Variants in RAD54B observed in about 807,000 individuals in gnomAD.
RAD54B encodes the protein DNA repair and recombination protein RAD54B.
RAD54B carries 78 observed loss-of-function variants against 95.8 expected under a neutral mutation model. The observed-to-expected ratio is 0.81, with a 90% CI of 0.68 to 0.98. The LOEUF (loss-of-function observed/expected upper bound fraction) is 0.98. Ranked by LOEUF, RAD54B falls within the 50% of genes least tolerant of loss-of-function variation. The pLI, the probability that RAD54B is intolerant of heterozygous loss-of-function variation, is 0.00. For synonymous variants in RAD54B, 328 were observed against 354.9 expected, an observed-to-expected ratio of 0.92 and a Z score of 0.85; for missense variants, 957 against 1,056.6, an observed-to-expected ratio of 0.91 and a Z score of 1.31.
At chr8:94,474,806 GC>G (rs999087587) in intron 1 of RAD54B, among the ~76,000 whole-genome samples, 194 bp downstream of exon 1, 1 of 152,078 alleles carries the variant, frequency 6.6e-6, no homozygotes, top group African/African-American at 2.4e-5. Flanking sequence ...TCGCTCCAAG[GC>G]CCCCGGGGCC....
chr8:94,389,938 C>T (rs1213582841), intron 10 of RAD54B, among the ~76,000 whole-genome samples: 1 of 152,204 alleles, frequency 6.6e-6, no homozygotes, highest in Non-Finnish European at 1.5e-5. Flanking sequence ...AACTGGTATA[C>T]TCTGGGCCAT....
intron 3 of RAD54B, among the ~76,000 whole-genome samples, chr8:94,414,392 C>G (rs1179933415): frequency 2.6e-5 from 4 of 152,132 alleles, no homozygotes; most frequent in Non-Finnish European, 5.9e-5. Context: ...AGAGGGCATC[C>G]CTGTCTTGTG....
At chr8:94,473,917 C>G (rs1440699348) in intron 1 of RAD54B, among the ~76,000 whole-genome samples, 1 of 152,170 alleles carries the variant, frequency 6.6e-6, no homozygotes, top group Admixed American at 6.5e-5. Context: ...TTAAGAAAGC[C>G]ATGAGCATTC....
intron 3 of RAD54B, among the ~76,000 whole-genome samples, chr8:94,433,523 A>T (rs1317547811): frequency 6.6e-6 from 1 of 152,094 alleles, no homozygotes; most frequent in Non-Finnish European, 1.5e-5. Context: ...TTAAATTTAC[A>T]CATAATTTCC....
At position 94,399,411 on chromosome 8, in the gene RAD54B, G is replaced by T; in HGVS notation, c.1378+3C>A. ...AAATATCTTCCCCAAACTGAATACT[G>T]ACCAGTTAGAATTATTCTTTTCTCA... is the stretch of plus-strand genomic sequence containing the variant. On this transcript the variant is annotated splice_donor_region_variant and intron_variant, in intron 8 of 14. Transcript: ENST00000336148. The T allele has an allele frequency of 1.2e-6, 2 of 1,610,636 alleles. No homozygotes were observed. Among genetic ancestry groups the T allele is most frequent in the South Asian group, 2.2e-5 (2 of 90,912 alleles).
Position 94,411,335 on chromosome 8 carries a change from A to G in RAD54B, c.305-20T>C. On this transcript the variant is annotated intron_variant, in intron 3 of 14. Coordinates refer to ENST00000336148, the MANE Select transcript of RAD54B (RefSeq NM_012415.3). The stretch of plus-strand genomic sequence containing the variant: ...AATGAACTACAATTAAAAAAAAAAC[A>G]CACATTATTAAAAATGACTTTAATG... 2.6e-6 allele frequency: 4 copies of G among 1,529,386 alleles called. No homozygotes were observed. The highest frequency in any genetic ancestry group is 3.5e-6 in the Non-Finnish European group (4 of 1,145,524). The allele number at this position is 1,529,386 out of a possible 1,614,324, so 94.7% of individuals were successfully genotyped here.
At chr8:94,428,758 T>C in intron 3 of RAD54B, 1 of 985,212 alleles carries the variant, frequency 1.0e-6, no homozygotes, top group Non-Finnish European at 1.2e-6. Flanking sequence ...TAGCAAACTT[T>C]CCCCTATATA....
In RAD54B at chr8:94,377,930, C is replaced by T. The variant is rs971072954; in HGVS notation, c.2515+250G>A. Among the ~76,000 whole-genome samples the T allele has an allele frequency of 2.6e-3, 332 of 128,650 alleles. 1 individual carries two copies. The highest frequency in any genetic ancestry group is 2.9e-3 in the Non-Finnish European group (183 of 64,158). 84.4% of individuals were successfully genotyped at this position (128,650 alleles called of 152,430 possible). A position where few individuals can be genotyped will look rare whatever the true frequency, so the allele number is the denominator to read the frequency against. On this transcript the variant is annotated intron_variant, in intron 14 of 14. Transcript: ENST00000336148. Reference sequence around the variant, plus strand: ...GGCGGAGCTTGCAGTGAGCCGAGATCGCGCCACTGCACTCCAGCCTGGGCG... The same window carrying T: ...GGCGGAGCTTGCAGTGAGCCGAGATTGCGCCACTGCACTCCAGCCTGGGCG...
intron 11 of RAD54B, among the ~76,000 whole-genome samples, chr8:94,382,793 T>C (rs1285094514): frequency 6.6e-6 from 1 of 152,144 alleles, no homozygotes. Flanking sequence ...CAGTTTTCCC[T>C]GCTCTTGCTA....
chr8:94,467,420 A>T lies in RAD54B; in HGVS notation c.120T>A (p.Asp40Glu), dbSNP rs753445720. ...TTTGCCTTACCTCAAATAATTTTAT[A>T]TCTGGATTCAGTTTTGTAATCTCTT... ...LNEEITKLNPDIKLFEGVAIN... is the reference protein window; with the variant it reads ...LNEEITKLNPEIKLFEGVAIN... Residue 40 changes from aspartate to glutamate, a missense_variant, in exon 2 of 15, where the codon GAT (aspartate) becomes GAA (glutamate). Asp to Glu is a conservative substitution (Grantham distance 45). Coordinates refer to ENST00000336148, the MANE Select transcript of RAD54B (RefSeq NM_012415.3). 1 of 1,608,722 alleles carries T rather than the reference A, an allele frequency of 6.2e-7. No homozygotes were observed. Among genetic ancestry groups the T allele is most frequent in the South Asian group, 1.1e-5 (1 of 90,264 alleles).
chr8:94,408,318 G>A (rs919202788), intron 4 of RAD54B, among the ~76,000 whole-genome samples: 1 of 152,074 alleles, frequency 6.6e-6, no homozygotes, highest in East Asian at 1.9e-4. Context: ...GCTGTGTAAA[G>A]GTGCTGATGA....
chr8:94,471,211 C>G (rs1453151646), intron 1 of RAD54B, among the ~76,000 whole-genome samples: 1 of 149,738 alleles, frequency 6.7e-6, no homozygotes, highest in Non-Finnish European at 1.5e-5. Flanking sequence ...ATCGCCAGTA[C>G]CAAATACACA....
chr8:94,428,769 T>C, intron 3 of RAD54B: 3 of 985,268 alleles, frequency 3.0e-6, no homozygotes, highest in Non-Finnish European at 3.6e-6. Context: ...CCCCTATATA[T>C]TCCCCTTAAT....
intron 3 of RAD54B, chr8:94,432,583 T>C (rs1475397835): frequency 1.3e-6 from 2 of 1,550,214 alleles, no homozygotes; most frequent in South Asian, 2.4e-5. Context: ...TCCACTGTAA[T>C]AGCAACAGGA....
intron 3 of RAD54B, among the ~76,000 whole-genome samples, chr8:94,455,410 C>T (rs533693244): frequency 2.0e-4 from 31 of 152,314 alleles, no homozygotes; most frequent in African/African-American, 7.0e-4. Flanking sequence ...AACAAGAGAA[C>T]ATTCCTGCCT....
chr8:94,467,449 T>G lies in RAD54B; in HGVS notation c.91A>C (p.Asn31His). 1.2e-6 allele frequency: 2 copies of G among 1,613,464 alleles called. No homozygotes were observed. The highest frequency in any genetic ancestry group is 1.7e-6 in the Non-Finnish European group (2 of 1,179,734). Residue 31 changes from asparagine (N) to histidine (H), a missense_variant, in exon 2 of 15, where the codon AAT becomes CAT. Transcript: ENST00000336148. The part of the protein sequence containing the change: ...IPPGRSNPGL[N>H]EEITKLNPDI... ...GGATTCAGTTTTGTAATCTCTTCAT[T>G]CAGACCTGGATTACTTCTTCCTGGA...
intron 3 of RAD54B, chr8:94,432,627 C>A (rs1297308634): frequency 6.5e-7 from 1 of 1,541,276 alleles, no homozygotes; most frequent in African/African-American, 1.4e-5. Context: ...TGAACTGGTA[C>A]CAGCCTGTGC....
At chr8:94,469,112 TTA>T (rs1813104074) in intron 1 of RAD54B, among the ~76,000 whole-genome samples, 1 of 150,030 alleles carries the variant, frequency 6.7e-6, no homozygotes, top group African/African-American at 2.4e-5. Context: ...TTTTTTTTTT[TTA>T]ATAAAAAAAA....
chr8:94,428,515 G>A (rs1812000641), intron 3 of RAD54B: 2 of 238,298 alleles, frequency 8.4e-6, no homozygotes, highest in Non-Finnish European at 1.4e-5. Context: ...ACTTACAATG[G>A]CTAATATAAT....
Sources: allele counts gnomAD v4.1 joint callset (sites outside exome capture counted in the v4.1 genomes callset), GRCh38; gene constraint gnomAD v4.1.1; transcripts MANE v1.5; gene names NCBI Gene and HGNC (gene_info 2026-07-23, HGNC 2026-07-21).